VTI1B: variants seen among roughly 807,000 people sequenced by gnomAD.
The protein encoded by VTI1B is vesicle transport through interaction with t-SNAREs homolog 1B.
VTI1B carries 18 observed loss-of-function variants against 28.6 expected under a neutral mutation model. The ratio of observed to expected loss-of-function variants is 0.63; its 90% CI spans 0.43 to 0.93. VTI1B has a LOEUF of 0.93. Ranked by LOEUF, VTI1B falls within the 40% of genes least tolerant of loss-of-function variation. The pLI, the probability that VTI1B is intolerant of heterozygous loss-of-function variation, is 0.00. For missense variants in VTI1B, 283 were observed against 297.0 expected, an observed-to-expected ratio of 0.95 and a Z score of 0.35; for synonymous variants, 100 against 107.9, an observed-to-expected ratio of 0.93 and a Z score of 0.46.
chr14:67,661,278 CAA>C (rs1208811725), intron 2 of VTI1B, among the ~76,000 whole-genome samples: 34 of 56,546 alleles, frequency 6.0e-4, no homozygotes, highest in African/African-American at 2.0e-3. Context: ...AGGGCTAGAG[CAA>C]AAAAAAAAAA....
chr14:67,652,313 G>C (rs982195274), intron 5 of VTI1B: 1 of 153,510 alleles, frequency 6.5e-6, no homozygotes, highest in East Asian at 1.9e-4. Context: ...TATGGACTAG[G>C]AGTCCATACA....
intron 1 of VTI1B, chr14:67,663,059 G>A (rs945325220): frequency 6.8e-7 from 1 of 1,462,172 alleles, no homozygotes; most frequent in Admixed American, 2.7e-5. Flanking sequence ...CTGGTGTGGT[G>A]CTTGTTTTTC....
chr14:67,673,495 T>C (rs2037495325), intron 1 of VTI1B, among the ~76,000 whole-genome samples: 1 of 152,222 alleles, frequency 6.6e-6, no homozygotes, highest in Non-Finnish European at 1.5e-5. Flanking sequence ...TCGTATCTTT[T>C]TCACTGTAAT....
At chr14:67,674,048 AAAAC>A (rs1404772372) in intron 1 of VTI1B, among the ~76,000 whole-genome samples, 5 of 152,240 alleles carry the variant, frequency 3.3e-5, no homozygotes, top group African/African-American at 4.8e-5. Context: ...TTAAATGCAT[AAAAC>A]AAACAAAAAC....
At chr14:67,671,743 G>T (rs1208542958) in intron 1 of VTI1B, among the ~76,000 whole-genome samples, 1 of 152,124 alleles carries the variant, frequency 6.6e-6, no homozygotes, top group Non-Finnish European at 1.5e-5. Context: ...GGCTGAGAGG[G>T]CTGATTCTTT....
chr14:67,669,127 A>G lies in VTI1B; in HGVS notation c.115+5248T>C, dbSNP rs535384900. Among the ~76,000 whole-genome samples the G allele has an allele frequency of 3.9e-5, 6 of 152,284 alleles. No homozygotes were observed. The South Asian group carries it at 1.2e-3, about 32-fold the overall frequency. On this transcript the variant is annotated intron_variant, in intron 1 of 5. Transcript: ENST00000554659. ...ATACTATGATTTATCCCCATTTGGCAGGAAAAACTAATTGGGTTAAAGTAA... is the reference window on the plus strand; with the variant it reads ...ATACTATGATTTATCCCCATTTGGCGGGAAAAACTAATTGGGTTAAAGTAA...
Position 67,647,974 on chromosome 14 carries a change from T to C in VTI1B, c.*3411A>G, listed in dbSNP as rs2037122249. ...CAACAAAATCAAGGAGTTGCAACCA[T>C]AAGAAGGATGAGTGTCCAAGGACAA... On this transcript the variant is annotated 3_prime_UTR_variant, in exon 6 of 6. Coordinates refer to ENST00000554659, the MANE Select transcript of VTI1B (RefSeq NM_006370.3). 1 of 1,422,064 alleles carries C rather than the reference T, an allele frequency of 7.0e-7. No homozygotes were observed. The highest frequency in any genetic ancestry group is 1.4e-5 in the African/African-American group (1 of 70,282). The allele number at this position is 1,422,064 out of a possible 1,614,324, so 88.1% of individuals were successfully genotyped here.
Position 67,656,601 on chromosome 14 carries a change from A to G in VTI1B, c.367-12T>C. 6.3e-7 allele frequency: 1 copy of G among 1,591,610 alleles called. No homozygotes were observed. Among genetic ancestry groups the G allele is most frequent in the Non-Finnish European group, 8.6e-7 (1 of 1,168,794 alleles). ...GACTGTAGCCGATTCTGAAAGAAGTATGGAAGAGAAATGTTAGACTTTTTC... is the reference window on the plus strand; with the variant it reads ...GACTGTAGCCGATTCTGAAAGAAGTGTGGAAGAGAAATGTTAGACTTTTTC... On this transcript the variant is annotated splice_polypyrimidine_tract_variant and intron_variant, in intron 3 of 5. Coordinates refer to ENST00000554659, the MANE Select transcript of VTI1B (RefSeq NM_006370.3).
chr14:67,670,018 C>G (rs1361587051), intron 1 of VTI1B, among the ~76,000 whole-genome samples: 1 of 152,140 alleles, frequency 6.6e-6, no homozygotes, highest in Admixed American at 6.5e-5. Context: ...TCACCTGAGC[C>G]CGGGAAGCCA....
At chr14:67,661,529 C>CTTTTTT (rs35440818) in intron 2 of VTI1B, among the ~76,000 whole-genome samples, 1 of 110,074 alleles carries the variant, frequency 9.1e-6, no homozygotes, top group Non-Finnish European at 1.8e-5. Context: ...GAACAGTAAC[C>CTTTTTT]TTTTTTTTTT....
chr14:67,674,430 G>A lies in VTI1B; in HGVS notation c.60C>T (p.Gly20=), dbSNP rs1210788478. 2.5e-6 allele frequency: 4 copies of A among 1,609,304 alleles called. No homozygotes were observed. Among genetic ancestry groups the A allele is most frequent in the East Asian group, 4.5e-5 (2 of 44,764 alleles). ...GCACCCCTTGTAGGTCTTCATGGAG[G>A]CCGCGGAAGATCTCGTGCAGCTTCT... ...HFEKLHEIFR[G]LHEDLQGVPE... Residue 20 remains glycine, a synonymous_variant, in exon 1 of 6, where the codon GGC becomes GGT. Transcript: ENST00000554659.
chr14:67,672,233 C>G (rs2037473396), intron 1 of VTI1B, among the ~76,000 whole-genome samples: 1 of 151,620 alleles, frequency 6.6e-6, no homozygotes, highest in Non-Finnish European at 1.5e-5. Flanking sequence ...ATCCTCCCAC[C>G]TCAGCCTCCC....
rs2037122249 is a variant in VTI1B at position 67,647,974 on chromosome 14, T to G, written c.*3411A>C. 6 of 1,421,946 alleles carry G rather than the reference T, an allele frequency of 4.2e-6. No individual in the cohort carries two copies. The South Asian group carries it at 6.4e-5, about 15-fold the overall frequency. The allele number at this position is 1,421,946 out of a possible 1,614,324, so 88.1% of individuals were successfully genotyped here. On this transcript the variant is annotated 3_prime_UTR_variant, in exon 6 of 6. Transcript: ENST00000554659. The stretch of plus-strand genomic sequence containing the variant: ...CAACAAAATCAAGGAGTTGCAACCA[T>G]AAGAAGGATGAGTGTCCAAGGACAA...
chr14:67,670,076 CG>C (rs2037447931), intron 1 of VTI1B, among the ~76,000 whole-genome samples: 2 of 152,188 alleles, frequency 1.3e-5, no homozygotes, highest in Admixed American at 1.3e-4. Context: ...GCCTGGATGA[CG>C]GGAGACAGGA....
At chr14:67,673,644 C>T (rs1175623779) in intron 1 of VTI1B, among the ~76,000 whole-genome samples, 2 of 152,162 alleles carry the variant, frequency 1.3e-5, no homozygotes, top group African/African-American at 4.8e-5. Flanking sequence ...TTGAGTAATT[C>T]GTTGAGCAAA....
chr14:67,666,137 A>C (rs1236590201), intron 1 of VTI1B, among the ~76,000 whole-genome samples: 1 of 152,248 alleles, frequency 6.6e-6, no homozygotes, highest in Admixed American at 6.5e-5. Context: ...CAAGCCAGAC[A>C]GTAAGAAGCA....
chr14:67,653,404 TAA>T, intron 5 of VTI1B, 31 bp downstream of exon 5: 1 of 1,602,014 alleles, frequency 6.2e-7, no homozygotes, highest in Non-Finnish European at 8.5e-7. Context: ...GCCACTGAGT[TAA>T]GAGAAATTTC....
At chr14:67,651,686 CAAT>C in intron 5 of VTI1B, 1 of 420,962 alleles carries the variant, frequency 2.4e-6, no homozygotes. Flanking sequence ...TAAACTGAGA[CAAT>C]AAAAACCAAA....
intron 1 of VTI1B, among the ~76,000 whole-genome samples, chr14:67,664,658 G>A (rs1036073970): frequency 1.3e-5 from 2 of 151,822 alleles, no homozygotes; most frequent in Non-Finnish European, 2.9e-5. Flanking sequence ...CACCATGCCC[G>A]GCTAATTTTT....
Sources: gnomAD v4.1 joint callset for allele counts (sites outside exome capture counted in the v4.1 genomes callset) on GRCh38, gnomAD v4.1.1 for gene constraint, MANE v1.5 for transcripts, NCBI Gene and HGNC (gene_info 2026-07-23, HGNC 2026-07-21) for gene names.